OR7E24: variants seen among roughly 807,000 people sequenced by gnomAD.
OR7E24 encodes olfactory receptor 7E24.
For missense variants in OR7E24, 385 were observed against 410.3 expected, an observed-to-expected ratio of 0.94 and a Z score of 0.53; for synonymous variants, 130 against 157.5, an observed-to-expected ratio of 0.83 and a Z score of 1.31.
At chr19:9,220,166 T>A in the OR7E24 span, among the ~76,000 whole-genome samples, 1 of 152,186 alleles carries the variant, frequency 6.6e-6, no homozygotes, top group East Asian at 1.9e-4. Flanking sequence ...ACGCATTATC[T>A]CACAGAGTCG....
chr19:9,229,886 C>T, the OR7E24 span, among the ~76,000 whole-genome samples: 2 of 152,096 alleles, frequency 1.3e-5, no homozygotes, highest in African/African-American at 4.8e-5. Flanking sequence ...AACAGGGACA[C>T]ACCATGGAGA....
chr19:9,239,700 T>C, the OR7E24 span, among the ~76,000 whole-genome samples: 1 of 146,018 alleles, frequency 6.8e-6, no homozygotes, highest in African/African-American at 2.7e-5. Flanking sequence ...TCTTTCTTTT[T>C]CTTTTTCTTT....
chr19:9,238,319 T>C, the OR7E24 span, among the ~76,000 whole-genome samples: 1 of 152,062 alleles, frequency 6.6e-6, no homozygotes, highest in South Asian at 2.1e-4. Context: ...AATGAAGTGG[T>C]GTCTCATTGT....
In OR7E24 at chr19:9,251,120, G is replaced by A. The variant is rs2066144470; in HGVS notation, c.77G>A (p.Gly26Asp). The A allele has an allele frequency of 1.2e-6, 2 of 1,613,470 alleles. No homozygotes were observed. Among genetic ancestry groups the A allele is most frequent in the Non-Finnish European group, 8.5e-7 (1 of 1,179,664 alleles). The change falls in exon 1 of 1, where the codon GGT (glycine) becomes GAT (aspartate). Residue 26 changes from glycine (G) to aspartate (D), a missense_variant. By Grantham distance (94) the Gly-to-Asp change is moderately conservative. Coordinates refer to ENST00000456448, the MANE Select transcript of OR7E24 (RefSeq NM_001079935.2). Reference sequence around the variant, plus strand: ...TACACAGAGCCACAGAATCTCACAGGTGTCTCAGAATTCCTCCTCCTGGGA... The same window carrying A: ...TACACAGAGCCACAGAATCTCACAGATGTCTCAGAATTCCTCCTCCTGGGA... ...PSYTEPQNLTGVSEFLLLGLS... is the reference protein window; with the variant it reads ...PSYTEPQNLTDVSEFLLLGLS...
chr19:9,245,142 G>A (rs2066125676), upstream of OR7E24, among the ~76,000 whole-genome samples: 1 of 152,134 alleles, frequency 6.6e-6, no homozygotes. Flanking sequence ...TTGAACCCGG[G>A]TGGTGAAGTT....
At chr19:9,246,466 T>TTGTGTG (rs34518365), upstream of OR7E24, among the ~76,000 whole-genome samples, 9,493 of 130,836 alleles carry the variant, frequency 0.073, 342 homozygotes, top group Non-Finnish European at 0.082. Flanking sequence ...CTTAAAGGTA[T>TTGTGTG]TGTGTGTGTG....
At chr19:9,222,573 G>A in the OR7E24 span, among the ~76,000 whole-genome samples, 1 of 151,972 alleles carries the variant, frequency 6.6e-6, no homozygotes, top group African/African-American at 2.4e-5. Context: ...TTATAAATAG[G>A]ATTATTTTGT....
At chr19:9,236,509 G>GA in the OR7E24 span, among the ~76,000 whole-genome samples, 14 of 150,152 alleles carry the variant, frequency 9.3e-5, no homozygotes, top group African/African-American at 1.5e-4. Context: ...GACTCTGTCT[G>GA]AAAAAAAAGA....
the OR7E24 span, among the ~76,000 whole-genome samples, chr19:9,220,013 A>T: frequency 6.6e-6 from 1 of 152,082 alleles, no homozygotes; most frequent in Non-Finnish European, 1.5e-5. Context: ...TCATGGAAAC[A>T]AAAATGTCTT....
the OR7E24 span, among the ~76,000 whole-genome samples, chr19:9,225,497 TAAAA>T: frequency 3.6e-4 from 53 of 147,476 alleles, no homozygotes; most frequent in African/African-American, 1.3e-3. Flanking sequence ...AAGGAAGGAA[TAAAA>T]AAACAACAAA....
the OR7E24 span, among the ~76,000 whole-genome samples, chr19:9,217,985 G>A: frequency 6.6e-6 from 1 of 152,182 alleles, no homozygotes; most frequent in Non-Finnish European, 1.5e-5. Context: ...GGGAATGAAA[G>A]CGGGATATGT....
At chr19:9,244,822 C>A (rs1282385144), upstream of OR7E24, among the ~76,000 whole-genome samples, 2 of 152,098 alleles carry the variant, frequency 1.3e-5, no homozygotes, top group African/African-American at 4.8e-5. Context: ...GAAAATATAT[C>A]TGTAAATCAT....
At chr19:9,250,768 T>C (rs372197213), upstream of OR7E24, among the ~76,000 whole-genome samples, 2 of 152,350 alleles carry the variant, frequency 1.3e-5, no homozygotes, top group East Asian at 3.9e-4. Context: ...TGTTGTATAT[T>C]TTTTCCTGAT....
Position 9,252,218 on chromosome 19 carries a change from A to G in OR7E24, c.*155A>G, listed in dbSNP as rs2066152165. 1.6e-6 allele frequency: 1 copy of G among 623,444 alleles called. No individual in the cohort carries two copies. Among genetic ancestry groups the G allele is most frequent in the East Asian group, 2.8e-5 (1 of 35,424 alleles). 38.6% of individuals were successfully genotyped at this position (623,444 alleles called of 1,614,324 possible). A position where few individuals can be genotyped will look rare whatever the true frequency, so the allele number is the denominator to read the frequency against. On this transcript the variant is annotated 3_prime_UTR_variant, in exon 1 of 1. Coordinates refer to ENST00000456448, the MANE Select transcript of OR7E24 (RefSeq NM_001079935.2). Reference sequence around the variant, plus strand: ...AATTGCAATGGGTGAGTATTCTGGTATCCTTTGTTCATCATACACATCATG... The same window carrying G: ...AATTGCAATGGGTGAGTATTCTGGTGTCCTTTGTTCATCATACACATCATG...
chr19:9,226,256 A>T, the OR7E24 span, among the ~76,000 whole-genome samples: 12 of 152,206 alleles, frequency 7.9e-5, no homozygotes, highest in Non-Finnish European at 1.5e-4. Flanking sequence ...CAGCCAGGCC[A>T]TTTTTATACT....
chr19:9,223,712 C>A, the OR7E24 span, among the ~76,000 whole-genome samples: 1 of 150,282 alleles, frequency 6.7e-6, no homozygotes, highest in Middle Eastern at 3.4e-3. Context: ...GTCTATAAAG[C>A]AAACTCAGGC....
chr19:9,247,522 G>A, upstream of OR7E24: 1 of 398,766 alleles, frequency 2.5e-6, no homozygotes, highest in Non-Finnish European at 4.4e-6. Context: ...AGCTCAGTGA[G>A]TGCTGAGGGA....
At chr19:9,239,407 C>T in the OR7E24 span, among the ~76,000 whole-genome samples, 3 of 152,112 alleles carry the variant, frequency 2.0e-5, no homozygotes, top group Non-Finnish European at 2.9e-5. Flanking sequence ...CTCCTGACCC[C>T]GTGATCCATC....
At chr19:9,242,572 T>G (rs1411148692), upstream of OR7E24, among the ~76,000 whole-genome samples, 1 of 152,166 alleles carries the variant, frequency 6.6e-6, no homozygotes, top group South Asian at 2.1e-4. Context: ...CTTTGACATG[T>G]CTTTTCTCAT....
Sources: allele counts gnomAD v4.1 joint callset (sites outside exome capture counted in the v4.1 genomes callset), GRCh38; gene constraint gnomAD v4.1.1; transcripts MANE v1.5; gene names NCBI Gene and HGNC (gene_info 2026-07-23, HGNC 2026-07-21).